Variants in DNER observed in about 807,000 individuals in gnomAD.
The protein encoded by DNER is delta/notch like EGF repeat containing.
In DNER, 33 loss-of-function variants were observed where a neutral mutation model predicts 78.2. That is an observed-to-expected ratio of 0.42 (90% CI 0.32 to 0.56). DNER has a LOEUF of 0.56. Ranked by LOEUF, DNER falls within the 20% of genes least tolerant of loss-of-function variation. The pLI, the probability that DNER is intolerant of heterozygous loss-of-function variation, is 0.11. For missense variants in DNER, 918 were observed against 975.3 expected, an observed-to-expected ratio of 0.94 and a Z score of 0.78; for synonymous variants, 417 against 384.8, an observed-to-expected ratio of 1.08 and a Z score of -0.98.
intron 4 of DNER, among the ~76,000 whole-genome samples, chr2:229,563,344 T>C (rs546788659): frequency 2.7e-5 from 4 of 150,284 alleles, no homozygotes; most frequent in Admixed American, 2.0e-4. Flanking sequence ...ACCATCATCA[T>C]CATCCTCCTT....
intron 1 of DNER, among the ~76,000 whole-genome samples, chr2:229,656,570 G>T (rs569900618): frequency 6.6e-6 from 1 of 152,148 alleles, no homozygotes; most frequent in South Asian, 2.1e-4. Context: ...AAGGGAACCA[G>T]CATCTAGCCC....
At chr2:229,456,724 AT>A in intron 7 of DNER, among the ~76,000 whole-genome samples, 1 of 152,078 alleles carries the variant, frequency 6.6e-6, no homozygotes. Context: ...CTCTTTCACT[AT>A]TTTCCCCCTT....
intron 1 of DNER, among the ~76,000 whole-genome samples, chr2:229,630,718 G>C (rs1340080407): frequency 6.6e-6 from 1 of 151,982 alleles, no homozygotes; most frequent in Admixed American, 6.6e-5. Flanking sequence ...GAGGTTTGGG[G>C]TATGATTGAT....
chr2:229,661,744 C>T (rs967047427), intron 1 of DNER, among the ~76,000 whole-genome samples: 4 of 152,102 alleles, frequency 2.6e-5, no homozygotes, highest in African/African-American at 7.2e-5. Flanking sequence ...TATGAACTCG[C>T]GGGAGTGGAA....
chr2:229,651,106 A>T (rs1340942979), intron 1 of DNER, among the ~76,000 whole-genome samples: 2 of 152,126 alleles, frequency 1.3e-5, no homozygotes, highest in African/African-American at 4.8e-5. Flanking sequence ...TGAGAGGACA[A>T]AGGCTGAAGT....
chr2:229,530,089 G>A (rs1335953809), intron 5 of DNER, among the ~76,000 whole-genome samples: 1 of 151,944 alleles, frequency 6.6e-6, no homozygotes, highest in Non-Finnish European at 1.5e-5. Flanking sequence ...AACTATAATG[G>A]GGAGATAGAA....
At chr2:229,434,921 T>TACACAC (rs1307319721) in intron 8 of DNER, among the ~76,000 whole-genome samples, 1 of 61,596 alleles carries the variant, frequency 1.6e-5, no homozygotes, top group African/African-American at 4.1e-5. Flanking sequence ...TATATATATA[T>TACACAC]ATATACACAC....
chr2:229,437,150 A>G (rs1694138830), intron 8 of DNER, among the ~76,000 whole-genome samples: 1 of 152,340 alleles, frequency 6.6e-6, no homozygotes, highest in East Asian at 1.9e-4. Context: ...TGCTATACAA[A>G]TAGGATTTTA....
chr2:229,442,758 T>C (rs995067802), intron 8 of DNER, among the ~76,000 whole-genome samples: 2 of 152,204 alleles, frequency 1.3e-5, no homozygotes, highest in Admixed American at 1.3e-4. Flanking sequence ...GGACTACTGA[T>C]ATTTTCAGGT....
At chr2:229,552,578 C>T (rs183268020) in intron 4 of DNER, among the ~76,000 whole-genome samples, 198 of 152,222 alleles carry the variant, frequency 1.3e-3, no homozygotes, top group African/African-American at 4.5e-3. Context: ...GGGCTTTTCC[C>T]CCTTTTTCTC....
At chr2:229,703,187 T>C (rs1439830934) in intron 1 of DNER, among the ~76,000 whole-genome samples, 1 of 152,022 alleles carries the variant, frequency 6.6e-6, no homozygotes, top group East Asian at 1.9e-4. Context: ...TAGTGTAGAA[T>C]TGGCAAAAAG....
chr2:229,399,897 C>G (rs1446486652), intron 10 of DNER, among the ~76,000 whole-genome samples: 1 of 151,792 alleles, frequency 6.6e-6, no homozygotes, highest in East Asian at 1.9e-4. Context: ...AAGATTCTAA[C>G]TATATTACAA....
At chr2:229,639,440 G>C (rs1175367666) in intron 1 of DNER, among the ~76,000 whole-genome samples, 2 of 152,016 alleles carry the variant, frequency 1.3e-5, no homozygotes, top group Admixed American at 6.6e-5. Flanking sequence ...TTTTTAGTAG[G>C]ACAGGGTTTT....
At chr2:229,468,869 C>G (rs1192738488) in intron 7 of DNER, among the ~76,000 whole-genome samples, 2 of 152,058 alleles carry the variant, frequency 1.3e-5, no homozygotes, top group Non-Finnish European at 2.9e-5. Flanking sequence ...GCCTCCAATT[C>G]TGAATATGAA....
intron 6 of DNER, among the ~76,000 whole-genome samples, chr2:229,494,219 C>A (rs1695458529): frequency 6.6e-6 from 1 of 152,190 alleles, no homozygotes; most frequent in South Asian, 2.1e-4. Context: ...TGTCTCAACT[C>A]ATTCTAGCAT....
chr2:229,474,147 C>T (rs1352057514), intron 7 of DNER, among the ~76,000 whole-genome samples: 1 of 152,074 alleles, frequency 6.6e-6, no homozygotes, highest in African/African-American at 2.4e-5. Flanking sequence ...CTGCAGTGAT[C>T]CGCCCACCTT....
intron 1 of DNER, among the ~76,000 whole-genome samples, chr2:229,640,096 G>C (rs899011844): frequency 1.3e-5 from 2 of 152,176 alleles, no homozygotes; most frequent in Non-Finnish European, 2.9e-5. Context: ...ACTTGTCCTT[G>C]CTACTGCACC....
At chr2:229,428,197 T>C (rs974054704) in intron 8 of DNER, among the ~76,000 whole-genome samples, 2 of 134,246 alleles carry the variant, frequency 1.5e-5, no homozygotes, top group Non-Finnish European at 1.5e-5. Context: ...TTCAGAGAGA[T>C]TGCTCCAGCT....
At chr2:229,624,703 T>C (rs371966195) in intron 1 of DNER, among the ~76,000 whole-genome samples, 63 of 152,344 alleles carry the variant, frequency 4.1e-4, no homozygotes, top group African/African-American at 1.4e-3. Flanking sequence ...TCACCAATGC[T>C]AAAATAACCC....
Sources: gnomAD v4.1 joint callset for allele counts (sites outside exome capture counted in the v4.1 genomes callset) on GRCh38, gnomAD v4.1.1 for gene constraint, MANE v1.5 for transcripts, NCBI Gene and HGNC (gene_info 2026-07-23, HGNC 2026-07-21) for gene names.